Variants in HTR2C observed in about 807,000 individuals in gnomAD.
HTR2C encodes 5-hydroxytryptamine (serotonin) receptor 2C, G protein-coupled.
Under a neutral mutation model 21.0 loss-of-function variants are expected in HTR2C, and 5 were observed. The ratio of observed to expected loss-of-function variants is 0.24; its 90% CI spans 0.12 to 0.50. The LOEUF (loss-of-function observed/expected upper bound fraction) is 0.50. HTR2C is among the 20% of genes least tolerant of loss of function. The probability of loss-of-function intolerance (pLI) is 0.98; values close to 1 mark genes in which losing one functional copy is unlikely to be tolerated. For missense variants in HTR2C, 271 were observed against 371.2 expected, an observed-to-expected ratio of 0.73 and a Z score of 2.22; for synonymous variants, 150 against 145.3, an observed-to-expected ratio of 1.03 and a Z score of -0.23.
intron 2 of HTR2C, among the ~76,000 whole-genome samples, chrX:114,719,450 A>G (rs1933113645): frequency 9.0e-6 from 1 of 111,454 alleles, no homozygotes; most frequent in Non-Finnish European, 1.9e-5. Flanking sequence ...TGGCCTGGCC[A>G]TTTGGGGAAA....
chrX:114,745,166 A>C (rs1191677397), intron 4 of HTR2C, among the ~76,000 whole-genome samples: 1 of 112,366 alleles, frequency 8.9e-6, no homozygotes, highest in Non-Finnish European at 1.9e-5. Flanking sequence ...TAAATATTTG[A>C]ATAGACATTA....
chrX:114,867,269 C>T (rs1556474911), intron 5 of HTR2C, among the ~76,000 whole-genome samples: 1 of 111,416 alleles, frequency 9.0e-6, no homozygotes, highest in African/African-American at 3.3e-5. Flanking sequence ...ACGTTGAGCA[C>T]TTTTTTGTAT....
At chrX:114,630,618 A>G (rs1187951166) in intron 2 of HTR2C, among the ~76,000 whole-genome samples, 2 of 112,306 alleles carry the variant, frequency 1.8e-5, no homozygotes, top group African/African-American at 6.5e-5. Context: ...TTCTGAGCCC[A>G]GATCTGCCTG....
At chrX:114,805,750 C>A (rs1186762822) in intron 4 of HTR2C, among the ~76,000 whole-genome samples, 1 of 83,791 alleles carries the variant, frequency 1.2e-5, no homozygotes, top group African/African-American at 4.7e-5. Context: ...ACCATATATA[C>A]ACCTATATAT....
rs1556487712 is a variant in HTR2C at position 114,908,233 on chromosome X, A to G, written c.*818A>G. On this transcript the variant is annotated 3_prime_UTR_variant, in exon 6 of 6. Coordinates refer to ENST00000276198, the MANE Select transcript of HTR2C (RefSeq NM_000868.4). Reference sequence around the variant, plus strand: ...TCCTAATTCTATGATTAAACTGGGAAATGAGATCCCAGAGTTATTTCCCAA... The same window carrying G: ...TCCTAATTCTATGATTAAACTGGGAGATGAGATCCCAGAGTTATTTCCCAA... The G allele has an allele frequency of 1.8e-5, 2 of 112,615 alleles. No individual in the cohort carries two copies. The highest frequency in any genetic ancestry group is 6.5e-5 in the African/African-American group (2 of 30,979). 9.3% of individuals were successfully genotyped at this position (112,615 alleles called of 1,213,427 possible).
In HTR2C at chrX:114,866,523, G is replaced by T. The variant is rs782525370; in HGVS notation, c.550+18320G>T. ...GAAACAATCAAATTACACCCTTTAA[G>T]TTATTTTAAAATATGTAATTATTAT... is the stretch of plus-strand genomic sequence containing the variant. On this transcript the variant is annotated intron_variant, in intron 5 of 5. Transcript: ENST00000276198. Among the ~76,000 whole-genome samples, 7 of 110,074 alleles carry T rather than the reference G, an allele frequency of 6.4e-5. No homozygotes were observed. In the South Asian group the frequency reaches 2.7e-3, roughly 43 times the overall value.
intron 4 of HTR2C, among the ~76,000 whole-genome samples, chrX:114,744,614 G>A (rs1375438041): frequency 9.1e-6 from 1 of 109,656 alleles, no homozygotes; most frequent in African/African-American, 3.3e-5. Context: ...CCTAATGCCC[G>A]GCTAATTTTT....
intron 2 of HTR2C, among the ~76,000 whole-genome samples, chrX:114,687,428 C>T (rs1931953094): frequency 1.8e-5 from 2 of 112,159 alleles, no homozygotes; most frequent in Admixed American, 1.9e-4. Context: ...TTTACTGGTA[C>T]ATTGCTTAAA....
chrX:114,631,300 C>T (rs1464022194), intron 2 of HTR2C, among the ~76,000 whole-genome samples: 1 of 41,012 alleles, frequency 2.4e-5, no homozygotes. Flanking sequence ...GAGACTCCGT[C>T]TCAAAGAAAA....
chrX:114,669,751 G>A (rs1193151741), intron 2 of HTR2C, among the ~76,000 whole-genome samples: 2 of 112,043 alleles, frequency 1.8e-5, no homozygotes, highest in Admixed American at 9.4e-5. Flanking sequence ...TAAACTAGGG[G>A]TGTTTTATAC....
At chrX:114,886,762 G>A (rs1392907457) in intron 5 of HTR2C, among the ~76,000 whole-genome samples, 1 of 110,637 alleles carries the variant, frequency 9.0e-6, no homozygotes, top group African/African-American at 3.3e-5. Context: ...ATTTCATAGA[G>A]GAAAGGAGCA....
At chrX:114,775,891 A>G in intron 4 of HTR2C, 1 of 375,401 alleles carries the variant, frequency 2.7e-6, no homozygotes, top group Non-Finnish European at 4.8e-6. Flanking sequence ...GGGCACAGGC[A>G]ATGGATGTAC....
intron 4 of HTR2C, among the ~76,000 whole-genome samples, chrX:114,803,015 AATG>A (rs2070365810): frequency 3.6e-5 from 3 of 83,183 alleles, no homozygotes; most frequent in Non-Finnish European, 4.6e-5. Flanking sequence ...GTTTACTGAG[AATG>A]ATGATTTCCA....
intron 4 of HTR2C, among the ~76,000 whole-genome samples, chrX:114,748,920 A>G (rs971892073): frequency 8.9e-5 from 10 of 111,788 alleles, no homozygotes; most frequent in African/African-American, 3.3e-4. Context: ...TCTTTGAACA[A>G]CAGGATTGAG....
At chrX:114,715,585 C>T (rs1556419696) in intron 2 of HTR2C, among the ~76,000 whole-genome samples, 1 of 111,814 alleles carries the variant, frequency 8.9e-6, no homozygotes, top group Admixed American at 9.5e-5. Flanking sequence ...TTGATCTGCT[C>T]CCATCAGTGA....
At chrX:114,897,375 G>C (rs1427787061) in intron 5 of HTR2C, among the ~76,000 whole-genome samples, 1 of 111,414 alleles carries the variant, frequency 9.0e-6, no homozygotes, top group African/African-American at 3.3e-5. Context: ...TCAACAGCCT[G>C]AAGAACTTCC....
At chrX:114,839,024 C>T (rs149340997) in intron 4 of HTR2C, among the ~76,000 whole-genome samples, 1 of 112,129 alleles carries the variant, frequency 8.9e-6, no homozygotes, top group East Asian at 2.8e-4. Flanking sequence ...ATGGTGGATA[C>T]AATCTGAGGG....
At chrX:114,732,581 G>C (rs1284897076) in intron 4 of HTR2C, among the ~76,000 whole-genome samples, 2 of 111,468 alleles carry the variant, frequency 1.8e-5, no homozygotes, top group Non-Finnish European at 3.8e-5. Flanking sequence ...GGCAACAGTA[G>C]ATTATCTTAA....
intron 2 of HTR2C, chrX:114,652,810 A>C: frequency 4.0e-6 from 1 of 248,738 alleles, no homozygotes; most frequent in Non-Finnish European, 8.4e-6. Flanking sequence ...TGATCGCCAT[A>C]TCTGAAAGTC....
Sources: gnomAD v4.1 joint callset for allele counts (sites outside exome capture counted in the v4.1 genomes callset) on GRCh38, gnomAD v4.1.1 for gene constraint, MANE v1.5 for transcripts, NCBI Gene and HGNC (gene_info 2026-07-23, HGNC 2026-07-21) for gene names.